The following SIL1 variants were observed in gnomAD, a reference collection of about 807,000 sequenced individuals.
The protein encoded by SIL1 is SIL1 nucleotide exchange factor.
A neutral mutation model predicts 49.1 loss-of-function variants in SIL1; 40 were observed. The observed-to-expected ratio is 0.81, with a 90% CI of 0.63 to 1.06. SIL1 has a LOEUF of 1.06. Among genes scored for constraint, SIL1 ranks in the 50% least tolerant of loss-of-function variants. The pLI is 0.00. For missense variants in SIL1, 500 were observed against 572.6 expected (o/e 0.87, Z 1.29); for synonymous variants, 253 against 250.8 (o/e 1.01, Z -0.08).
At chr5:139,124,499 T>C (rs1750715992) in intron 2 of SIL1, among the ~76,000 whole-genome samples, 1 of 152,150 alleles carries the variant, frequency 6.6e-6, no homozygotes, top group Admixed American at 6.5e-5. Flanking sequence ...TGACACAAAA[T>C]TGGTTCTCCC....
chr5:139,168,865 G>C (rs1751676482), intron 1 of SIL1, among the ~76,000 whole-genome samples: 1 of 151,820 alleles, frequency 6.6e-6, no homozygotes, highest in African/African-American at 2.4e-5. Context: ...TGGAGGCTGA[G>C]GTGGGAGAAT....
chr5:139,040,486 TTTTTC>T (rs1360696875), intron 5 of SIL1, among the ~76,000 whole-genome samples: 2 of 108,216 alleles, frequency 1.8e-5, no homozygotes, highest in East Asian at 2.7e-4. Flanking sequence ...TATTTTTTCT[TTTTTC>T]TTTTTTCTTT....
rs537664515 is a variant in SIL1, at chr5:139,014,409, A to G, written c.767+6762T>C. Reference sequence around the variant, plus strand: ...GAGTCAGTTTAGGAGTCCAACAACAAATGCTAATAAAGATGATGATAAAAC... The same window carrying G: ...GAGTCAGTTTAGGAGTCCAACAACAGATGCTAATAAAGATGATGATAAAAC... On this transcript the variant is annotated intron_variant, in intron 7 of 9. Coordinates refer to ENST00000394817, the MANE Select transcript of SIL1 (RefSeq NM_022464.5). Among the ~76,000 whole-genome samples the G allele has an allele frequency of 3.3e-5, 5 of 152,260 alleles. No individual in the cohort carries two copies. In the South Asian group the frequency reaches 1.0e-3, roughly 32 times the overall value.
chr5:139,079,961 A>G (rs1581084188), intron 3 of SIL1, among the ~76,000 whole-genome samples: 1 of 152,330 alleles, frequency 6.6e-6, no homozygotes, highest in African/African-American at 2.4e-5. Flanking sequence ...TCTCTCATGT[A>G]GCCACAGCTA....
intron 3 of SIL1, among the ~76,000 whole-genome samples, chr5:139,119,055 G>A (rs957851030): frequency 2.0e-5 from 3 of 152,202 alleles, no homozygotes; most frequent in Non-Finnish European, 4.4e-5. Flanking sequence ...ACCAGCCTTT[G>A]GGACAACTCC....
At chr5:139,026,352 A>G (rs1402217656) in intron 6 of SIL1, among the ~76,000 whole-genome samples, 1 of 152,170 alleles carries the variant, frequency 6.6e-6, no homozygotes, top group Non-Finnish European at 1.5e-5. Flanking sequence ...CTGTAATCCC[A>G]GCACTTTGGG....
chr5:139,008,129 C>T (rs1768164838), intron 7 of SIL1, among the ~76,000 whole-genome samples: 1 of 151,100 alleles, frequency 6.6e-6, no homozygotes, highest in Non-Finnish European at 1.5e-5. Context: ...ATTATTGCCA[C>T]AATTTCAGCT....
chr5:139,138,914 C>A (rs1483151371), intron 1 of SIL1, among the ~76,000 whole-genome samples: 1 of 152,232 alleles, frequency 6.6e-6, no homozygotes, highest in Admixed American at 6.5e-5. Flanking sequence ...CTGGACTATA[C>A]TCTGGGTGGT....
intron 1 of SIL1, among the ~76,000 whole-genome samples, chr5:139,165,183 A>T (rs1179899660): frequency 6.6e-6 from 1 of 152,128 alleles, no homozygotes; most frequent in Non-Finnish European, 1.5e-5. Context: ...GCACAATAAA[A>T]CTTGGTCTCC....
At chr5:139,044,338 A>G (rs1769106216) in intron 4 of SIL1, among the ~76,000 whole-genome samples, 1 of 152,006 alleles carries the variant, frequency 6.6e-6, no homozygotes, top group Admixed American at 6.6e-5. Context: ...GCTTGAACAC[A>G]TTATCTCCTC....
chr5:139,065,032 T>C (rs150829493), intron 3 of SIL1, among the ~76,000 whole-genome samples: 98 of 152,296 alleles, frequency 6.4e-4, no homozygotes, highest in African/African-American at 2.0e-3. Flanking sequence ...CCATGATAGA[T>C]GCTCAAACTG....
At chr5:139,087,356 C>T (rs556054804) in intron 3 of SIL1, among the ~76,000 whole-genome samples, 1 of 152,204 alleles carries the variant, frequency 6.6e-6, no homozygotes, top group African/African-American at 2.4e-5. Context: ...CCATGAGGTC[C>T]ATGCTGTGTG....
intron 7 of SIL1, among the ~76,000 whole-genome samples, chr5:138,969,457 C>T (rs1489191082): frequency 6.6e-6 from 1 of 152,236 alleles, no homozygotes; most frequent in Non-Finnish European, 1.5e-5. Flanking sequence ...ACTTTCCATG[C>T]CTCTGTCAGG....
At chr5:139,092,539 TATA>T (rs1770364694) in intron 3 of SIL1, among the ~76,000 whole-genome samples, 1 of 152,152 alleles carries the variant, frequency 6.6e-6, no homozygotes, top group South Asian at 2.1e-4. Flanking sequence ...AAAAGAAATC[TATA>T]GCCCCAAGCC....
At chr5:139,003,965 G>C (rs1237935505) in intron 7 of SIL1, among the ~76,000 whole-genome samples, 1 of 152,168 alleles carries the variant, frequency 6.6e-6, no homozygotes, top group Admixed American at 6.5e-5. Context: ...CGGGAGGTGA[G>C]TGGAACACCA....
At chr5:139,176,352 T>C (rs1751882249) in intron 1 of SIL1, among the ~76,000 whole-genome samples, 1 of 152,152 alleles carries the variant, frequency 6.6e-6, no homozygotes, top group Admixed American at 6.5e-5. Context: ...TCGTCGGAAT[T>C]ACCCTTAAGG....
chr5:138,987,659 C>T (rs1173493343), intron 7 of SIL1, among the ~76,000 whole-genome samples: 1 of 152,142 alleles, frequency 6.6e-6, no homozygotes, highest in Admixed American at 6.5e-5. Context: ...AGTGACTGCC[C>T]TGGCAAACAC....
chr5:139,127,410 C>G (rs11952871), intron 2 of SIL1, among the ~76,000 whole-genome samples: 1 of 152,146 alleles, frequency 6.6e-6, no homozygotes, highest in African/African-American at 2.4e-5. Flanking sequence ...CTGTAGCTGC[C>G]TACTTCATAG....
intron 7 of SIL1, among the ~76,000 whole-genome samples, chr5:138,966,749 C>G (rs1013267082): frequency 6.6e-6 from 1 of 152,150 alleles, no homozygotes; most frequent in Non-Finnish European, 1.5e-5. Flanking sequence ...CTCAATGAGG[C>G]AGACACCATT....
Sources: gnomAD v4.1 joint callset for allele counts (sites outside exome capture counted in the v4.1 genomes callset) on GRCh38, gnomAD v4.1.1 for gene constraint, MANE v1.5 for transcripts, NCBI Gene and HGNC (gene_info 2026-07-23, HGNC 2026-07-21) for gene names.